The following HS6ST3 variants were observed in gnomAD, a reference collection of about 807,000 sequenced individuals.
HS6ST3 encodes the protein heparan-sulfate 6-O-sulfotransferase 3.
In HS6ST3, 12 loss-of-function variants were observed where a neutral mutation model predicts 36.7. The ratio of observed to expected loss-of-function variants is 0.33; its 90% CI spans 0.21 to 0.53. The LOEUF is 0.53. HS6ST3 is among the 20% of genes least tolerant of loss of function. The pLI, the probability that HS6ST3 is intolerant of heterozygous loss-of-function variation, is 0.95. For missense variants in HS6ST3, 584 were observed against 640.9 expected (o/e 0.91, Z 0.96); for synonymous variants, 240 against 257.5 (o/e 0.93, Z 0.65).
intron 1 of HS6ST3, chr13:96,573,596 C>T: frequency 4.8e-6 from 1 of 208,332 alleles, no homozygotes; most frequent in Non-Finnish European, 9.6e-6. Context: ...TCAGGGTCTG[C>T]AGAATTCTAG....
chr13:96,461,365 T>C (rs1003404182), intron 1 of HS6ST3, among the ~76,000 whole-genome samples: 17 of 152,156 alleles, frequency 1.1e-4, no homozygotes, highest in Admixed American at 6.5e-4. Flanking sequence ...TTTAATGCAA[T>C]TGTAGTATTC....
intron 1 of HS6ST3, among the ~76,000 whole-genome samples, chr13:96,484,944 A>T (rs966967611): frequency 6.6e-6 from 1 of 152,162 alleles, no homozygotes; most frequent in African/African-American, 2.4e-5. Flanking sequence ...ACCAGTTTGC[A>T]TTCCTACCAA....
At chr13:96,348,983 G>T (rs1272397776) in intron 1 of HS6ST3, among the ~76,000 whole-genome samples, 1 of 152,026 alleles carries the variant, frequency 6.6e-6, no homozygotes, top group African/African-American at 2.4e-5. Context: ...AAAGTTTAGG[G>T]GTTACAAAAT....
intron 1 of HS6ST3, among the ~76,000 whole-genome samples, chr13:96,811,541 A>G (rs1878316774): frequency 6.6e-6 from 1 of 152,246 alleles, no homozygotes; most frequent in Non-Finnish European, 1.5e-5. Context: ...CATTTATTAC[A>G]AAGTGTAAAA....
intron 1 of HS6ST3, among the ~76,000 whole-genome samples, chr13:96,364,946 A>G (rs1185711483): frequency 6.6e-6 from 1 of 152,188 alleles, no homozygotes; most frequent in East Asian, 1.9e-4. Flanking sequence ...TTCATTTATG[A>G]TCTCCCTTCT....
rs146033180 is a variant in HS6ST3 at position 96,668,686 on chromosome 13, CTTTTTTTTTTTTTTTTTTTTTTT to C, written c.708-163786_708-163764del. ...GGGAGCTGAGCACAGTAGTGCCAACCTTTTTTTTTTTTTTTTTTTTTTTTTTTTTTTTTTTTTTTTGTATCAGG... is the reference window on the plus strand; with the variant it reads ...GGGAGCTGAGCACAGTAGTGCCAACCTTTTTTTTTTTTTTTTTGTATCAGG... On this transcript the variant is annotated intron_variant, in intron 1 of 1. Coordinates refer to ENST00000376705, the MANE Select transcript of HS6ST3 (RefSeq NM_153456.4). Among the ~76,000 whole-genome samples, 219 of 58,958 alleles carry C rather than the reference CTTTTTTTTTTTTTTTTTTTTTTT, an allele frequency of 3.7e-3. 5 individuals carry two copies. In the South Asian group the frequency reaches 0.047, roughly 13 times the overall value. 38.7% of individuals were successfully genotyped at this position (58,958 alleles called of 152,430 possible).
chr13:96,428,307 C>T (rs2055597521), intron 1 of HS6ST3, among the ~76,000 whole-genome samples: 1 of 152,194 alleles, frequency 6.6e-6, no homozygotes, highest in South Asian at 2.1e-4. Context: ...GACCGCACCA[C>T]TGCACTCCAG....
intron 1 of HS6ST3, among the ~76,000 whole-genome samples, chr13:96,715,536 T>TAAAATTTAAA (rs1875673651): frequency 1.3e-5 from 2 of 152,160 alleles, no homozygotes; most frequent in Non-Finnish European, 2.9e-5. Context: ...ATTTCTGATT[T>TAAAATTTAAA]AAAATTTAAA....
intron 1 of HS6ST3, among the ~76,000 whole-genome samples, chr13:96,171,059 C>A (rs1007955775): frequency 2.0e-5 from 3 of 152,180 alleles, no homozygotes; most frequent in African/African-American, 7.2e-5. Context: ...TAGTTAGATA[C>A]CTTTTTATGA....
At chr13:96,244,576 G>A (rs960334511) in intron 1 of HS6ST3, among the ~76,000 whole-genome samples, 1 of 152,182 alleles carries the variant, frequency 6.6e-6, no homozygotes, top group East Asian at 1.9e-4. Flanking sequence ...ACAATACAAA[G>A]CAAACTGAGT....
chr13:96,398,465 T>C (rs1262721259), intron 1 of HS6ST3, among the ~76,000 whole-genome samples: 1 of 152,066 alleles, frequency 6.6e-6, no homozygotes, highest in Non-Finnish European at 1.5e-5. Flanking sequence ...GTGTTTTTAG[T>C]AGAGATGGGG....
chr13:96,307,132 G>A (rs2054917717), intron 1 of HS6ST3, among the ~76,000 whole-genome samples: 1 of 152,158 alleles, frequency 6.6e-6, no homozygotes, highest in Non-Finnish European at 1.5e-5. Context: ...CATTCAGTTA[G>A]TCTAGGAAGT....
intron 1 of HS6ST3, among the ~76,000 whole-genome samples, chr13:96,195,249 A>G (rs2054306603): frequency 6.6e-6 from 1 of 152,264 alleles, no homozygotes; most frequent in Non-Finnish European, 1.5e-5. Context: ...GGAAGATGGA[A>G]CATGTTTTTT....
chr13:96,658,228 C>T (rs1291055892), intron 1 of HS6ST3, among the ~76,000 whole-genome samples: 1 of 139,674 alleles, frequency 7.2e-6, no homozygotes, highest in African/African-American at 2.7e-5. Context: ...TGTTATATGC[C>T]ACAATTTATC....
chr13:96,503,958 C>T (rs543058294), intron 1 of HS6ST3, among the ~76,000 whole-genome samples: 1 of 152,196 alleles, frequency 6.6e-6, no homozygotes, highest in African/African-American at 2.4e-5. Flanking sequence ...TTGTTGTAGC[C>T]TCACAAGGTG....
At chr13:96,802,473 C>G (rs1268369668) in intron 1 of HS6ST3, among the ~76,000 whole-genome samples, 1 of 152,168 alleles carries the variant, frequency 6.6e-6, no homozygotes, top group Non-Finnish European at 1.5e-5. Context: ...CATACATACT[C>G]TTTTTCCAAC....
At chr13:96,349,754 G>C (rs916953591) in intron 1 of HS6ST3, among the ~76,000 whole-genome samples, 1 of 152,134 alleles carries the variant, frequency 6.6e-6, no homozygotes, top group Non-Finnish European at 1.5e-5. Context: ...ATTTTACAAA[G>C]GAAATATGAT....
chr13:96,150,081 GTTC>G (rs1345962211), intron 1 of HS6ST3, among the ~76,000 whole-genome samples: 1 of 152,136 alleles, frequency 6.6e-6, no homozygotes, highest in Non-Finnish European at 1.5e-5. Flanking sequence ...CGAGTTCCAG[GTTC>G]TTGTCCCACA....
chr13:96,337,194 T>C (rs1434369546), intron 1 of HS6ST3, among the ~76,000 whole-genome samples: 2 of 152,050 alleles, frequency 1.3e-5, no homozygotes, highest in African/African-American at 4.8e-5. Context: ...GCCTCCCAAT[T>C]TAGCTGTGAC....
Sources: allele counts gnomAD v4.1 joint callset (sites outside exome capture counted in the v4.1 genomes callset), GRCh38; gene constraint gnomAD v4.1.1; transcripts MANE v1.5; gene names NCBI Gene and HGNC (gene_info 2026-07-23, HGNC 2026-07-21).